Variants in DENND10 observed in about 807,000 individuals in gnomAD.
DENND10 encodes the protein DENN domain containing 10, also known as DENN domain-containing protein 10.
In DENND10, 24 loss-of-function variants were observed where a neutral mutation model predicts 43.6. That is an observed-to-expected ratio of 0.55 (90% CI 0.40 to 0.77). The LOEUF is 0.77. Among genes scored for constraint, DENND10 ranks in the 30% least tolerant of loss-of-function variants. The pLI, the probability that DENND10 is intolerant of heterozygous loss-of-function variation, is 0.00. For synonymous variants in DENND10, 125 were observed against 157.6 expected (o/e 0.79, Z 1.55); for missense variants, 303 against 429.9 (o/e 0.70, Z 2.61).
Position 119,108,140 on chromosome 10 carries a change from T to C in DENND10, c.228T>C (p.Val76=), listed in dbSNP as rs1844786961. 6.2e-7 allele frequency: 1 copy of C among 1,612,666 alleles called. No individual in the cohort carries two copies. Among genetic ancestry groups the C allele is most frequent in the Non-Finnish European group, 8.5e-7 (1 of 1,179,014 alleles). Residue 76 remains valine, a synonymous_variant, in exon 2 of 9, where the codon GTT becomes GTC. Coordinates refer to ENST00000361432, the MANE Select transcript of DENND10 (RefSeq NM_207009.4). ...GGTTTTATATCACAACAATTGAAGT[T>C]CCAGATTCTTCCATTTTGAAAAAGG... ...RTWFYITTIE[V]PDSSILKKVT...
chr10:119,110,331 A>G (rs1844919324), intron 2 of DENND10, among the ~76,000 whole-genome samples: 1 of 150,090 alleles, frequency 6.7e-6, no homozygotes, highest in African/African-American at 2.5e-5. Context: ...ACCACCACCT[A>G]CTCTTCATTT....
intron 3 of DENND10, among the ~76,000 whole-genome samples, chr10:119,117,069 C>T (rs1845322983): frequency 6.6e-6 from 1 of 152,074 alleles, no homozygotes; most frequent in Non-Finnish European, 1.5e-5. Context: ...TTCAAGCATT[C>T]AGGCCAAGCG....
At chr10:119,131,125 G>A (rs1433640918) in intron 7 of DENND10, among the ~76,000 whole-genome samples, 2 of 152,206 alleles carry the variant, frequency 1.3e-5, no homozygotes, top group African/African-American at 2.4e-5. Context: ...TCAGGAAAGG[G>A]TGTACTAGTG....
chr10:119,111,875 C>T lies in DENND10; in HGVS notation c.279C>T (p.Thr93=), dbSNP rs752975121. Reference sequence around the variant, plus strand: ...TGACTCATTTTTCTATTGTCCTGACCGCCAAAGATTTTAACCCAGAGAAGT... The same window carrying T: ...TGACTCATTTTTCTATTGTCCTGACTGCCAAAGATTTTAACCCAGAGAAGT... ...KKVTHFSIVL[T]AKDFNPEKYA... The change falls in exon 3 of 9, where the codon ACC becomes ACT. Residue 93 remains threonine, a synonymous_variant. Coordinates refer to ENST00000361432, the MANE Select transcript of DENND10 (RefSeq NM_207009.4). The T allele has an allele frequency of 1.2e-5, 19 of 1,613,022 alleles. No homozygotes were observed. Among genetic ancestry groups the T allele is most frequent in the African/African-American group, 1.1e-4 (8 of 74,842 alleles).
chr10:119,116,641 G>A (rs1289407856), intron 3 of DENND10, among the ~76,000 whole-genome samples: 2 of 149,654 alleles, frequency 1.3e-5, no homozygotes, highest in Non-Finnish European at 3.0e-5. Flanking sequence ...GGTCTCTCAA[G>A]CTTTTTCTTT....
Position 119,132,635 on chromosome 10 carries a change from T to A in DENND10, c.897+26T>A. The A allele has an allele frequency of 6.4e-7, 1 of 1,573,508 alleles. No homozygotes were observed. Among genetic ancestry groups the A allele is most frequent in the Non-Finnish European group, 8.7e-7 (1 of 1,142,938 alleles). On this transcript the variant is annotated intron_variant, in intron 8 of 8. Transcript: ENST00000361432. The surrounding 1 kb of genome is among the most constrained non-coding windows in gnomAD (Gnocchi z 4.2). The stretch of plus-strand genomic sequence containing the variant: ...GTAACTCCCTCACCTTCTGACTTAC[T>A]GAAAGTCCTGACCCGGTGTCGCTGG...
chr10:119,116,259 T>C (rs1221575215), intron 3 of DENND10, among the ~76,000 whole-genome samples: 1 of 152,174 alleles, frequency 6.6e-6, no homozygotes, highest in Non-Finnish European at 1.5e-5. Flanking sequence ...GTCAGCATTT[T>C]CTAGAAGCTT....
chr10:119,125,116 CACCTGCCACCA>C (rs1244410243), intron 6 of DENND10, among the ~76,000 whole-genome samples: 2 of 151,828 alleles, frequency 1.3e-5, no homozygotes, highest in East Asian at 3.9e-4. Context: ...CGATTACAGG[CACCTGCCACCA>C]TGCCCAGCTA....
In DENND10 at chr10:119,132,367, T is replaced by C. The variant is rs1589748141; in HGVS notation, c.803-148T>C. On this transcript the variant is annotated intron_variant, in intron 7 of 8. Transcript: ENST00000361432. The surrounding 1 kb of genome is among the most constrained non-coding windows in gnomAD (Gnocchi z 4.2). Reference sequence around the variant, plus strand: ...TGCCTTTCCTCCCAGCATGTTGTCATATTTGTGTCTAGTGATAAAATGGAC... The same window carrying C: ...TGCCTTTCCTCCCAGCATGTTGTCACATTTGTGTCTAGTGATAAAATGGAC... 2 of 700,952 alleles carry C rather than the reference T, an allele frequency of 2.9e-6. No individual in the cohort carries two copies. The highest frequency in any genetic ancestry group is 2.6e-6 in the Non-Finnish European group (1 of 384,412). 43.4% of individuals were successfully genotyped at this position (700,952 alleles called of 1,614,324 possible).
chr10:119,105,088 G>C (rs867703937), intron 1 of DENND10: 2 of 152,268 alleles, frequency 1.3e-5, no homozygotes, highest in South Asian at 2.1e-4. Flanking sequence ...GCAGTATTTA[G>C]GGGATGGAAC....
intron 1 of DENND10, among the ~76,000 whole-genome samples, chr10:119,107,460 G>C (rs10787916): frequency 0.53 from 79,922 of 149,958 alleles, 22,251 homozygotes; most frequent in Middle Eastern, 0.69. Flanking sequence ...CTAGAGTGCA[G>C]TGGCGTGATC....
At position 119,135,791 on chromosome 10, in the gene DENND10, TAAAAAA is replaced by T. The variant is rs367836571; in HGVS notation, c.898-660_898-655del. 8.4e-4 allele frequency among the ~76,000 whole-genome samples: 54 copies of T among 64,020 alleles called. 2 individuals carry two copies. Among genetic ancestry groups the T allele is most frequent in the Middle Eastern group, 0.016 (1 of 62 alleles). 42.0% of individuals were successfully genotyped at this position (64,020 alleles called of 152,430 possible). ...TACACTCAGAAAATGACTAAAATTG[TAAAAAA>T]AAAAAAAAAAAAAAAAAAACCAAAA... is the stretch of plus-strand genomic sequence containing the variant. On this transcript the variant is annotated intron_variant, in intron 8 of 8. Transcript: ENST00000361432.
In DENND10 at chr10:119,128,925, C is replaced by G. The variant is rs189683824; in HGVS notation, c.695-590C>G. Among the ~76,000 whole-genome samples the G allele has an allele frequency of 2.9e-3, 441 of 152,260 alleles. 1 individual carries two copies. The highest frequency in any genetic ancestry group is 4.7e-3 in the Non-Finnish European group (322 of 68,028). On this transcript the variant is annotated intron_variant, in intron 6 of 8. Transcript: ENST00000361432. ...ATGATCCAGTCACCTCCGACCCGGC[C>G]CCACCTCCAACATTGAGGATTACAG...
chr10:119,118,338 A>G (rs1446711542), intron 4 of DENND10, among the ~76,000 whole-genome samples: 3 of 152,200 alleles, frequency 2.0e-5, no homozygotes, highest in African/African-American at 7.2e-5. Context: ...TTCATGGATT[A>G]CATTTCTTTT....
chr10:119,132,375 TC>T lies in DENND10; in HGVS notation c.803-139del. 1.4e-6 allele frequency: 1 copy of T among 708,310 alleles called. No homozygotes were observed. The highest frequency in any genetic ancestry group is 2.6e-6 in the Non-Finnish European group (1 of 388,108). The allele number at this position is 708,310 out of a possible 1,614,324, so 43.9% of individuals were successfully genotyped here. A position where few individuals can be genotyped will look rare whatever the true frequency, so the allele number is the denominator to read the frequency against. On this transcript the variant is annotated intron_variant, in intron 7 of 8. Transcript: ENST00000361432. This position sits in a 1 kb window ranked among gnomAD's most constrained non-coding sequence, Gnocchi z 4.2. The stretch of plus-strand genomic sequence containing the variant: ...CTCCCAGCATGTTGTCATATTTGTG[TC>T]TAGTGATAAAATGGACATGTGGGAG...
At chr10:119,120,117 G>A (rs576463279) in intron 4 of DENND10, among the ~76,000 whole-genome samples, 158 of 151,204 alleles carry the variant, frequency 1.0e-3, no homozygotes, top group African/African-American at 2.9e-3. Flanking sequence ...GTGTGGTGGT[G>A]TGTGCCTGTA....
In DENND10 at chr10:119,118,585, CA is replaced by C. The variant is rs1845406273; in HGVS notation, c.481+919del. 2.6e-5 allele frequency among the ~76,000 whole-genome samples: 4 copies of C among 152,252 alleles called. No homozygotes were observed. In the South Asian group the frequency reaches 8.3e-4, roughly 32 times the overall value. On this transcript the variant is annotated intron_variant, in intron 4 of 8. Coordinates refer to ENST00000361432, the MANE Select transcript of DENND10 (RefSeq NM_207009.4). ...GATCCCGCTGTTCTTTGAATTTTCT[CA>C]GCATCCCTGTTGAGGTGGTAGGTGT...
At chr10:119,123,369 C>G in intron 5 of DENND10, 100 bp from the exon 6 acceptor site, 1 of 833,282 alleles carries the variant, frequency 1.2e-6, no homozygotes. Flanking sequence ...GCTGTAGACT[C>G]TACCCTCTTC....
chr10:119,124,177 G>A (rs1356423163), intron 6 of DENND10, among the ~76,000 whole-genome samples: 2 of 144,632 alleles, frequency 1.4e-5, no homozygotes, highest in African/African-American at 2.6e-5. Context: ...TGGGCAGCAA[G>A]AGCAAAACTC....
Sources: gnomAD v4.1 joint callset for allele counts (sites outside exome capture counted in the v4.1 genomes callset) on GRCh38, gnomAD v4.1.1 for gene constraint, Gnocchi (gnomAD v3.1) non-coding constraint, MANE v1.5 for transcripts, NCBI Gene and HGNC (gene_info 2026-07-23, HGNC 2026-07-21) for gene names.